The following GKAP1 variants were observed in gnomAD, a reference collection of about 807,000 sequenced individuals.
GKAP1 encodes G kinase-anchoring protein 1.
GKAP1 carries 31 observed loss-of-function variants against 56.7 expected under a neutral mutation model. The ratio of observed to expected loss-of-function variants is 0.55; its 90% CI spans 0.41 to 0.74. GKAP1 has a LOEUF of 0.74. Among genes scored for constraint, GKAP1 ranks in the 30% least tolerant of loss-of-function variants. The pLI, the probability that GKAP1 is intolerant of heterozygous loss-of-function variation, is 0.00. For synonymous variants in GKAP1, 151 were observed against 138.6 expected (o/e 1.09, Z -0.63); for missense variants, 364 against 402.3 (o/e 0.90, Z 0.82).
intron 5 of GKAP1, 124 bp from the exon 6 acceptor site, chr9:83,784,962 T>C: frequency 1.6e-6 from 1 of 622,676 alleles, no homozygotes. Context: ...AACCAAAATT[T>C]AGGCTAGCCA....
At position 83,759,164 on chromosome 9, in the gene GKAP1, T is replaced by G. The variant is rs959176738; in HGVS notation, c.739-5805A>C. 4.2e-4 allele frequency among the ~76,000 whole-genome samples: 64 copies of G among 152,368 alleles called. 1 individual carries two copies. The highest frequency in any genetic ancestry group is 1.5e-3 in the African/African-American group (61 of 41,602). The stretch of plus-strand genomic sequence containing the variant: ...CCCCTTTTCCCTCCTCTTCTGAGGA[T>G]ATCCATGATTACAGATTTTGTCGTT... On this transcript the variant is annotated intron_variant, in intron 8 of 12. Coordinates refer to ENST00000376371, the MANE Select transcript of GKAP1 (RefSeq NM_025211.4).
chr9:83,759,964 T>C (rs904257647), intron 8 of GKAP1, among the ~76,000 whole-genome samples: 8 of 152,342 alleles, frequency 5.3e-5, no homozygotes, highest in African/African-American at 1.9e-4. Context: ...TTCAAATTTA[T>C]ATTACATTCC....
Position 83,740,211 on chromosome 9 carries a change from T to C in GKAP1, c.1054-467A>G, listed in dbSNP as rs35130730. On this transcript the variant is annotated intron_variant, in intron 12 of 12. Transcript: ENST00000376371. ...AAATTTGATTTTGTTCATTAGTGGATTGAAAACTAGGTTATGCTTTTCATA... is the reference window on the plus strand; with the variant it reads ...AAATTTGATTTTGTTCATTAGTGGACTGAAAACTAGGTTATGCTTTTCATA... 4.8e-3 allele frequency among the ~76,000 whole-genome samples: 725 copies of C among 152,270 alleles called. 3 individuals are homozygous for C. The highest frequency in any genetic ancestry group is 6.5e-3 in the Non-Finnish European group (440 of 67,984).
chr9:83,774,897 C>T (rs1180322595), intron 7 of GKAP1, among the ~76,000 whole-genome samples: 14 of 151,056 alleles, frequency 9.3e-5, no homozygotes, highest in Admixed American at 6.6e-5. Context: ...TTAGTAGAGA[C>T]GGGATTTCAT....
intron 6 of GKAP1, among the ~76,000 whole-genome samples, chr9:83,781,568 G>A (rs1213188278): frequency 6.6e-6 from 1 of 152,102 alleles, no homozygotes; most frequent in Admixed American, 6.5e-5. Flanking sequence ...CACAGTAAAT[G>A]CCAAAATCAC....
intron 9 of GKAP1, among the ~76,000 whole-genome samples, chr9:83,752,837 G>A (rs763551469): frequency 4.6e-5 from 7 of 152,058 alleles, no homozygotes; most frequent in Non-Finnish European, 8.8e-5. Flanking sequence ...TTGGGAGGCT[G>A]GGGTGGGCGG....
intron 4 of GKAP1, among the ~76,000 whole-genome samples, chr9:83,796,805 C>G (rs1036089871): frequency 6.6e-6 from 1 of 152,152 alleles, no homozygotes; most frequent in Non-Finnish European, 1.5e-5. Flanking sequence ...CTTTTAATTT[C>G]TCTCAGTCAC....
intron 2 of GKAP1, among the ~76,000 whole-genome samples, chr9:83,814,437 G>A (rs751661032): frequency 6.6e-6 from 1 of 152,082 alleles, no homozygotes; most frequent in Non-Finnish European, 1.5e-5. Flanking sequence ...AGCGTTCTCT[G>A]ACCTGTTCCT....
intron 9 of GKAP1, 64 bp from the exon 10 acceptor site, chr9:83,748,436 G>A: frequency 1.1e-6 from 1 of 901,540 alleles, no homozygotes; most frequent in East Asian, 2.5e-5. Flanking sequence ...ATGATTTACT[G>A]TCAACTTACA....
chr9:83,805,972 C>G (rs1025974439), intron 3 of GKAP1, among the ~76,000 whole-genome samples: 1 of 152,078 alleles, frequency 6.6e-6, no homozygotes, highest in African/African-American at 2.4e-5. Flanking sequence ...CAAAAATTAG[C>G]CAGGCATGGC....
At chr9:83,789,033 C>A (rs1944112038) in intron 4 of GKAP1, 2 of 160,352 alleles carry the variant, frequency 1.2e-5, no homozygotes, top group Non-Finnish European at 2.7e-5. Flanking sequence ...GATTATTACT[C>A]AAAAATATAA....
At chr9:83,782,653 G>A (rs1273271175) in intron 6 of GKAP1, among the ~76,000 whole-genome samples, 6 of 139,160 alleles carry the variant, frequency 4.3e-5, no homozygotes, top group African/African-American at 5.4e-5. Context: ...GAGCCAACGC[G>A]CCCAGCCTTT....
At chr9:83,798,585 T>C (rs1234934260) in intron 4 of GKAP1, among the ~76,000 whole-genome samples, 2 of 152,180 alleles carry the variant, frequency 1.3e-5, no homozygotes, top group Non-Finnish European at 2.9e-5. Context: ...GACAAAATCA[T>C]GGCTCACTGC....
intron 3 of GKAP1, among the ~76,000 whole-genome samples, chr9:83,805,634 AT>A (rs1182729400): frequency 6.6e-6 from 1 of 152,096 alleles, no homozygotes; most frequent in African/African-American, 2.4e-5. Context: ...TCATTTAAGT[AT>A]TAGAAGGATA....
chr9:83,760,167 C>T (rs1007525034), intron 8 of GKAP1, among the ~76,000 whole-genome samples: 10 of 151,876 alleles, frequency 6.6e-5, no homozygotes, highest in South Asian at 2.1e-4. Context: ...CCCATGAAGA[C>T]GTAAAAGAGA....
intron 7 of GKAP1, among the ~76,000 whole-genome samples, chr9:83,773,486 G>A (rs1587711326): frequency 6.6e-6 from 1 of 151,808 alleles, no homozygotes; most frequent in Admixed American, 6.6e-5. Flanking sequence ...CTTGCAATGG[G>A]TGAATTTTAT....
At chr9:83,760,935 C>T (rs1234339834) in intron 8 of GKAP1, among the ~76,000 whole-genome samples, 1 of 151,238 alleles carries the variant, frequency 6.6e-6, no homozygotes, top group South Asian at 2.1e-4. Flanking sequence ...AAATAAACAA[C>T]CTAACAATTA....
At chr9:83,810,604 G>C (rs1369416480) in intron 2 of GKAP1, among the ~76,000 whole-genome samples, 3 of 152,122 alleles carry the variant, frequency 2.0e-5, no homozygotes, top group Non-Finnish European at 4.4e-5. Context: ...TAATGCAAAA[G>C]GCAAATGGCA....
chr9:83,768,756 A>T (rs1943705882), intron 8 of GKAP1, 62 bp downstream of exon 8: 1 of 1,448,554 alleles, frequency 6.9e-7, no homozygotes, highest in Non-Finnish European at 9.5e-7. Flanking sequence ...TTACTTGTTT[A>T]AAAAATAAAA....
Sources: allele counts gnomAD v4.1 joint callset (sites outside exome capture counted in the v4.1 genomes callset), GRCh38; gene constraint gnomAD v4.1.1; transcripts MANE v1.5; gene names NCBI Gene and HGNC (gene_info 2026-07-23, HGNC 2026-07-21).